Variants in RGS9 observed in about 807,000 individuals in gnomAD.
The protein encoded by RGS9 is regulator of G protein signaling 9.
In RGS9, 78 loss-of-function variants were observed where a neutral mutation model predicts 102.0. The ratio of observed to expected loss-of-function variants is 0.76; its 90% CI spans 0.64 to 0.92. The LOEUF (loss-of-function observed/expected upper bound fraction) is 0.92, where lower values mean the gene tolerates loss of function less well. Ranked by LOEUF, RGS9 falls within the 40% of genes least tolerant of loss-of-function variation. The probability of loss-of-function intolerance (pLI) is 0.00; values close to 1 mark genes in which losing one functional copy is unlikely to be tolerated. For missense variants in RGS9, 833 were observed against 866.1 expected, an observed-to-expected ratio of 0.96 and a Z score of 0.48; for synonymous variants, 353 against 318.6, an observed-to-expected ratio of 1.11 and a Z score of -1.15.
intron 17 of RGS9, among the ~76,000 whole-genome samples, chr17:65,215,448 C>T (rs983426025): frequency 3.3e-5 from 5 of 152,056 alleles, no homozygotes; most frequent in Non-Finnish European, 7.4e-5. Flanking sequence ...TCAACATTTA[C>T]GGAGTTTCTC....
chr17:65,168,432 G>A, intron 8 of RGS9, 151 bp downstream of exon 8: 2 of 674,202 alleles, frequency 3.0e-6, no homozygotes, highest in Admixed American at 2.1e-5. Context: ...GCATCCAAGT[G>A]CCTCTTGGCC....
intron 1 of RGS9, among the ~76,000 whole-genome samples, chr17:65,146,583 CAA>C (rs545458134): frequency 1.4e-4 from 15 of 110,344 alleles, no homozygotes; most frequent in Admixed American, 3.1e-4. Context: ...AAGACTGTCT[CAA>C]AAAAAAAAAA....
At chr17:65,185,317 A>G (rs759052282) in intron 9 of RGS9, 2 of 152,272 alleles carry the variant, frequency 1.3e-5, no homozygotes, top group Non-Finnish European at 2.9e-5. Context: ...AATCCATTAT[A>G]TTGCTTTCAC....
chr17:65,205,888 G>A (rs1913044763), intron 15 of RGS9, among the ~76,000 whole-genome samples: 1 of 151,792 alleles, frequency 6.6e-6, no homozygotes, highest in Non-Finnish European at 1.5e-5. Context: ...ATGTGATATA[G>A]GTTATATAAT....
At chr17:65,154,986 C>A (rs72850394) in intron 2 of RGS9, among the ~76,000 whole-genome samples, 21,842 of 152,156 alleles carry the variant, frequency 0.14, 2,474 homozygotes, top group East Asian at 0.51. Flanking sequence ...AGAAAGGATG[C>A]CCCCACCAGC....
chr17:65,179,387 C>T (rs1398765925), intron 9 of RGS9, among the ~76,000 whole-genome samples: 3 of 152,154 alleles, frequency 2.0e-5, no homozygotes, highest in African/African-American at 4.8e-5. Flanking sequence ...TTCCCGTGTT[C>T]CCCTTGCCAG....
At chr17:65,223,292 G>A (rs771366623) in intron 17 of RGS9, among the ~76,000 whole-genome samples, 2 of 152,240 alleles carry the variant, frequency 1.3e-5, no homozygotes, top group Non-Finnish European at 2.9e-5. Flanking sequence ...CGTGGGCCTG[G>A]CTTTTGCTCT....
chr17:65,188,331 C>T (rs577336959), intron 9 of RGS9, among the ~76,000 whole-genome samples: 2 of 152,340 alleles, frequency 1.3e-5, no homozygotes, highest in South Asian at 4.1e-4. Flanking sequence ...AGCTTATCCC[C>T]AGTATGACCC....
At chr17:65,156,524 A>AC (rs1250952468) in intron 2 of RGS9, among the ~76,000 whole-genome samples, 1 of 152,252 alleles carries the variant, frequency 6.6e-6, no homozygotes, top group Non-Finnish European at 1.5e-5. Context: ...ACCGATAAAA[A>AC]AAAATTATTT....
At chr17:65,155,405 A>G (rs1477135638) in intron 2 of RGS9, among the ~76,000 whole-genome samples, 1 of 152,238 alleles carries the variant, frequency 6.6e-6, no homozygotes, top group Admixed American at 6.5e-5. Flanking sequence ...GATGGTTAGT[A>G]AAAGTTTATT....
At chr17:65,199,139 A>C (rs540031663) in intron 13 of RGS9, among the ~76,000 whole-genome samples, 60 of 152,350 alleles carry the variant, frequency 3.9e-4, no homozygotes, top group Non-Finnish European at 6.8e-4. Flanking sequence ...TTTTAAAAAG[A>C]TTTTTAAATT....
At position 65,145,824 on chromosome 17, in the gene RGS9, T is replaced by G. The variant is rs533256493; in HGVS notation, c.58-7598T>G. On this transcript the variant is annotated intron_variant, in intron 1 of 18. Transcript: ENST00000262406. Reference sequence around the variant, plus strand: ...ATAGAGCTAGAGTTCTGTGGTTTCCTGGGGAGACTGAGGAGACGCCTCAGA... The same window carrying G: ...ATAGAGCTAGAGTTCTGTGGTTTCCGGGGGAGACTGAGGAGACGCCTCAGA... Among the ~76,000 whole-genome samples the G allele has an allele frequency of 2.4e-4, 37 of 152,184 alleles. No homozygotes were observed. The South Asian group carries it at 7.5e-3, about 31-fold the overall frequency.
At chr17:65,210,399 C>A in intron 16 of RGS9, 89 bp from the exon 17 acceptor site, 1 of 1,472,146 alleles carries the variant, frequency 6.8e-7, no homozygotes, top group Non-Finnish European at 9.5e-7. Flanking sequence ...TCTGGACCTT[C>A]CAGCCCCAGC....
intron 9 of RGS9, among the ~76,000 whole-genome samples, chr17:65,178,667 C>A (rs1911739841): frequency 1.3e-5 from 2 of 152,088 alleles, no homozygotes; most frequent in South Asian, 4.1e-4. Flanking sequence ...CCGTGCTTGG[C>A]TAATTTTTGA....
chr17:65,184,937 G>T (rs1326411476), intron 9 of RGS9, among the ~76,000 whole-genome samples: 5 of 151,062 alleles, frequency 3.3e-5, no homozygotes, highest in African/African-American at 1.2e-4. Context: ...TGGTGCCATT[G>T]TAGCTCACTG....
intron 3 of RGS9, 44 bp from the exon 4 acceptor site, chr17:65,160,189 C>T (rs753757346): frequency 1.3e-6 from 2 of 1,485,654 alleles, no homozygotes; most frequent in Admixed American, 3.3e-5. Flanking sequence ...GAGCTCCTGT[C>T]TCAGCCCTGC....
intron 17 of RGS9, among the ~76,000 whole-genome samples, chr17:65,217,233 T>C (rs1399378588): frequency 6.6e-6 from 1 of 152,192 alleles, no homozygotes; most frequent in Non-Finnish European, 1.5e-5. Flanking sequence ...TTGTGGCCAA[T>C]AGACATGGGC....
At chr17:65,164,582 C>A (rs545905569) in intron 7 of RGS9, among the ~76,000 whole-genome samples, 12 of 152,244 alleles carry the variant, frequency 7.9e-5, no homozygotes, top group African/African-American at 2.9e-4. Flanking sequence ...CACCCAGCAG[C>A]CTAGGTATTG....
At position 65,190,199 on chromosome 17, in the gene RGS9, A is replaced by G. The variant is rs758591262; in HGVS notation, c.709A>G (p.Met237Val). The G allele has an allele frequency of 9.9e-6, 16 of 1,613,798 alleles. No homozygotes were observed. Among genetic ancestry groups the G allele is most frequent in the Admixed American group, 1.7e-5 (1 of 59,998 alleles). The change falls in exon 11 of 19, where the codon ATG becomes GTG. Residue 237 changes from methionine to valine, a missense_variant. Met to Val is a conservative substitution (Grantham distance 21). Coordinates refer to ENST00000262406, the MANE Select transcript of RGS9 (RefSeq NM_003835.4). Reference sequence around the variant, plus strand: ...GATCATGTATTACCAACAGGCCTTGATGAGGTCCACAGTGAAGTCTTCTGT... The same window carrying G: ...GATCATGTATTACCAACAGGCCTTGGTGAGGTCCACAGTGAAGTCTTCTGT... ...KEIMYYQQAL[M>V]RSTVKSSVSL... is the part of the protein sequence containing the mutation.
Sources: gnomAD v4.1 joint callset for allele counts (sites outside exome capture counted in the v4.1 genomes callset) on GRCh38, gnomAD v4.1.1 for gene constraint, MANE v1.5 for transcripts, NCBI Gene and HGNC (gene_info 2026-07-23, HGNC 2026-07-21) for gene names.